Variants in EYS observed in about 807,000 individuals in gnomAD.
EYS encodes the protein protein eyes shut homolog.
A neutral mutation model predicts 282.1 loss-of-function variants in EYS; 250 were observed. That is an observed-to-expected ratio of 0.89 (90% CI 0.80 to 0.98). EYS has a LOEUF of 0.98. Ranked by LOEUF, EYS falls within the 50% of genes least tolerant of loss-of-function variation. The probability of loss-of-function intolerance (pLI) is 0.00; values close to 1 mark genes in which losing one functional copy is unlikely to be tolerated. For synonymous variants in EYS, 1,355 were observed against 1,282.9 expected (o/e 1.06, Z -1.20); for missense variants, 4,016 against 3,709.0 (o/e 1.08, Z -2.15).
chr6:65,212,034 A>G (rs1413054809), intron 12 of EYS, among the ~76,000 whole-genome samples: 1 of 152,092 alleles, frequency 6.6e-6, no homozygotes, highest in Non-Finnish European at 1.5e-5. Flanking sequence ...TTTACTGTGA[A>G]GCAAGGAAAA....
At chr6:64,970,996 A>T (rs1318170089) in intron 14 of EYS, among the ~76,000 whole-genome samples, 1 of 152,104 alleles carries the variant, frequency 6.6e-6, no homozygotes, top group Non-Finnish European at 1.5e-5. Flanking sequence ...TTTTATGGAG[A>T]TTCAGGATTG....
At chr6:63,824,845 A>AG (rs1449870995) in intron 36 of EYS, among the ~76,000 whole-genome samples, 12 of 152,180 alleles carry the variant, frequency 7.9e-5, no homozygotes, top group African/African-American at 2.7e-4. Flanking sequence ...AAAACTCCAA[A>AG]GGGAGAAGGA....
chr6:63,817,894 G>A (rs559570972), intron 36 of EYS, among the ~76,000 whole-genome samples: 6 of 152,200 alleles, frequency 3.9e-5, no homozygotes, highest in Admixed American at 6.5e-5. Context: ...GGAGCTTCAC[G>A]AGGCCTCCAT....
chr6:65,266,827 A>G (rs529431963), intron 12 of EYS, among the ~76,000 whole-genome samples: 4 of 151,494 alleles, frequency 2.6e-5, no homozygotes, highest in South Asian at 4.1e-4. Context: ...TTAATAAAAA[A>G]AACTGAAAAT....
rs148736525 is a variant in EYS at position 64,018,919 on chromosome 6, C to T, written c.6726-19736G>A. 6.3e-3 allele frequency among the ~76,000 whole-genome samples: 951 copies of T among 151,824 alleles called. 23 individuals are homozygous for T. The highest frequency in any genetic ancestry group is 2.2e-3 in the Non-Finnish European group (148 of 67,912). ...CCTCCTGAGTAGCTGGGACTACAGG[C>T]GCATGCCATCATGCCTGGTTAATTT... On this transcript the variant is annotated intron_variant, in intron 33 of 42. Transcript: ENST00000503581.
chr6:64,582,555 C>T (rs1344135163), intron 26 of EYS, among the ~76,000 whole-genome samples: 1 of 149,558 alleles, frequency 6.7e-6, no homozygotes, highest in Non-Finnish European at 1.5e-5. Context: ...CAGATTTGGC[C>T]TGCAGGCTAT....
intron 2 of EYS, among the ~76,000 whole-genome samples, chr6:65,616,232 T>C (rs896067136): frequency 6.6e-6 from 1 of 152,218 alleles, no homozygotes; most frequent in African/African-American, 2.4e-5. Flanking sequence ...AATAGTCATA[T>C]AAAATGTTTC....
intron 2 of EYS, among the ~76,000 whole-genome samples, chr6:65,560,376 A>G (rs898837584): frequency 3.4e-5 from 5 of 146,946 alleles, no homozygotes; most frequent in African/African-American, 1.2e-4. Flanking sequence ...ATAATACATT[A>G]TTATATATTG....
intron 2 of EYS, among the ~76,000 whole-genome samples, chr6:65,622,363 T>C (rs1289680396): frequency 6.6e-6 from 1 of 152,218 alleles, no homozygotes; most frequent in East Asian, 1.9e-4. Context: ...CATCAACTTT[T>C]TATAAATTTT....
chr6:63,843,696 C>T (rs1197572349), intron 36 of EYS, among the ~76,000 whole-genome samples: 2 of 152,112 alleles, frequency 1.3e-5, no homozygotes, highest in African/African-American at 4.8e-5. Context: ...CAGCACAAGA[C>T]AAGGATGCCC....
intron 26 of EYS, among the ~76,000 whole-genome samples, chr6:64,507,746 C>T (rs1777258003): frequency 7.3e-6 from 1 of 136,846 alleles, no homozygotes; most frequent in Non-Finnish European, 1.6e-5. Context: ...TCTTCATCCC[C>T]ACATTTATTT....
chr6:63,798,768 T>C (rs1016952921), intron 37 of EYS, among the ~76,000 whole-genome samples: 5 of 151,792 alleles, frequency 3.3e-5, no homozygotes, highest in African/African-American at 1.2e-4. Flanking sequence ...TCTGTTACAG[T>C]TTATAACTAA....
At chr6:64,710,501 G>A (rs532749056) in intron 22 of EYS, among the ~76,000 whole-genome samples, 1 of 152,314 alleles carries the variant, frequency 6.6e-6, no homozygotes, top group African/African-American at 2.4e-5. Context: ...AGAAAACCAA[G>A]AAACCTGGAA....
chr6:65,680,672 T>C (rs998226522), intron 1 of EYS, among the ~76,000 whole-genome samples: 1 of 152,048 alleles, frequency 6.6e-6, no homozygotes, highest in South Asian at 2.1e-4. Flanking sequence ...CTCTGATTTA[T>C]ATGCTGAGTT....
chr6:65,103,170 A>G (rs1345068250), intron 12 of EYS, among the ~76,000 whole-genome samples: 1 of 151,606 alleles, frequency 6.6e-6, no homozygotes, highest in East Asian at 1.9e-4. Context: ...TAACAAGTCC[A>G]ATGGATAATT....
intron 22 of EYS, among the ~76,000 whole-genome samples, chr6:64,758,981 A>G (rs1299281508): frequency 6.6e-6 from 1 of 152,154 alleles, no homozygotes; most frequent in Non-Finnish European, 1.5e-5. Flanking sequence ...TACTAAAAAT[A>G]CAAAAAAATT....
At chr6:64,882,879 T>A (rs913323157) in intron 19 of EYS, among the ~76,000 whole-genome samples, 1 of 151,534 alleles carries the variant, frequency 6.6e-6, no homozygotes, top group Non-Finnish European at 1.5e-5. Context: ...TCAGACGAAC[T>A]GATAATTAAA....
At chr6:64,928,997 G>T (rs999917774) in intron 15 of EYS, among the ~76,000 whole-genome samples, 1 of 152,146 alleles carries the variant, frequency 6.6e-6, no homozygotes, top group Non-Finnish European at 1.5e-5. Flanking sequence ...ACATCAGAAG[G>T]TGTTGGGGTT....
At chr6:64,604,529 T>A (rs1766864205) in intron 24 of EYS, among the ~76,000 whole-genome samples, 1 of 151,996 alleles carries the variant, frequency 6.6e-6, no homozygotes, top group African/African-American at 2.4e-5. Context: ...GTGACAACAA[T>A]ATAAACATGA....
Sources: allele counts gnomAD v4.1 joint callset (sites outside exome capture counted in the v4.1 genomes callset), GRCh38; gene constraint gnomAD v4.1.1; transcripts MANE v1.5; gene names NCBI Gene and HGNC (gene_info 2026-07-23, HGNC 2026-07-21).